Variants in CHODL observed in about 807,000 individuals in gnomAD.
CHODL encodes transmembrane protein MT75.
Under a neutral mutation model 34.5 loss-of-function variants are expected in CHODL, and 29 were observed. The ratio of observed to expected loss-of-function variants is 0.84; its 90% CI spans 0.63 to 1.15. CHODL has a LOEUF of 1.15. CHODL is among the 50% of genes most tolerant of loss of function. CHODL has a pLI of 0.00. For missense variants in CHODL, 332 were observed against 332.5 expected (o/e 1.00, Z 0.01); for synonymous variants, 125 against 116.1 (o/e 1.08, Z -0.49).
intron 2 of CHODL, among the ~76,000 whole-genome samples, chr21:18,055,921 T>C (rs961620908): frequency 6.6e-6 from 1 of 151,894 alleles, no homozygotes; most frequent in African/African-American, 2.4e-5. Context: ...CATGATGATA[T>C]CTCTCTCTTT....
At chr21:18,215,277 T>G (rs939407040) in intron 2 of CHODL, among the ~76,000 whole-genome samples, 1 of 152,048 alleles carries the variant, frequency 6.6e-6, no homozygotes, top group Non-Finnish European at 1.5e-5. Context: ...TCTTGTGCAG[T>G]CCAGGTAGGG....
chr21:18,045,467 G>C (rs2064430368), intron 2 of CHODL, among the ~76,000 whole-genome samples: 1 of 151,914 alleles, frequency 6.6e-6, no homozygotes, highest in Admixed American at 6.6e-5. Flanking sequence ...GTACAGATTG[G>C]AGTTCAGTTG....
At chr21:18,118,646 T>C (rs2065442240) in intron 2 of CHODL, among the ~76,000 whole-genome samples, 1 of 152,130 alleles carries the variant, frequency 6.6e-6, no homozygotes, top group Non-Finnish European at 1.5e-5. Flanking sequence ...GACAATTCTA[T>C]TCTAAATAAT....
At chr21:18,084,919 TAGTGTGTGTGTGTG>T (rs1358316853) in intron 2 of CHODL, among the ~76,000 whole-genome samples, 3 of 128,212 alleles carry the variant, frequency 2.3e-5, no homozygotes, top group Non-Finnish European at 4.6e-5. Context: ...GGTCTAGTAA[TAGTGTGTGTGTGTG>T]TGTGTGTGTG....
rs77331056 is a variant in CHODL at position 18,058,987 on chromosome 21, C to A, written c.-45+31016C>A. On this transcript the variant is annotated intron_variant, in intron 2 of 6. Coordinates refer to the CHODL transcript ENST00000400127. Reference sequence around the variant, plus strand: ...ACAATTTATGAAGTTACATCCCTGACCTGGTGTTATGGACTAAATTTTGTG... The same window carrying A: ...ACAATTTATGAAGTTACATCCCTGAACTGGTGTTATGGACTAAATTTTGTG... Among the ~76,000 whole-genome samples the A allele has an allele frequency of 9.1e-3, 1,381 of 152,240 alleles. 20 individuals are homozygous for A. Among genetic ancestry groups the A allele is most frequent in the South Asian group, 0.042 (201 of 4,826 alleles).
intron 2 of CHODL, among the ~76,000 whole-genome samples, chr21:18,096,897 G>T (rs1253655072): frequency 6.6e-6 from 1 of 152,074 alleles, no homozygotes; most frequent in Non-Finnish European, 1.5e-5. Context: ...ACCAATATGT[G>T]ATGGCACCCT....
intron 2 of CHODL, among the ~76,000 whole-genome samples, chr21:18,237,509 T>C (rs957829251): frequency 3.3e-5 from 5 of 152,254 alleles, no homozygotes; most frequent in Non-Finnish European, 7.4e-5. Flanking sequence ...GCCAAAGCCT[T>C]CTTTCATCTC....
chr21:17,953,417 C>CTGA (rs2063473921), intron 1 of CHODL, among the ~76,000 whole-genome samples: 1 of 151,818 alleles, frequency 6.6e-6, no homozygotes. Context: ...CAGTGAGCCA[C>CTGA]GATTGTGCCA....
intron 2 of CHODL, among the ~76,000 whole-genome samples, chr21:18,228,184 A>C (rs2073948185): frequency 6.6e-6 from 1 of 152,088 alleles, no homozygotes; most frequent in Non-Finnish European, 1.5e-5. Context: ...TAGCTTACTC[A>C]TTGCTGCCAA....
chr21:18,021,943 T>C (rs1335097193), intron 1 of CHODL, among the ~76,000 whole-genome samples: 1 of 152,206 alleles, frequency 6.6e-6, no homozygotes, highest in African/African-American at 2.4e-5. Context: ...CCTAACATGA[T>C]GTTACTTAGA....
At chr21:17,971,195 C>G (rs528028535) in intron 1 of CHODL, among the ~76,000 whole-genome samples, 2 of 152,102 alleles carry the variant, frequency 1.3e-5, no homozygotes, top group African/African-American at 4.8e-5. Context: ...AATAAACATA[C>G]GTGTGCATAT....
At chr21:17,938,477 TTTTTTTTTTTTTTTTTAAG>T (rs1435623237) in intron 1 of CHODL, among the ~76,000 whole-genome samples, 2 of 1,334 alleles carry the variant, frequency 1.5e-3, no homozygotes, top group African/African-American at 2.6e-3. Context: ...TTTTTTTTTT[TTTTTTTTTTTTTTTTTAAG>T]GAAAGGGAGT....
At chr21:18,049,236 C>T (rs1053116984) in intron 2 of CHODL, among the ~76,000 whole-genome samples, 1 of 151,818 alleles carries the variant, frequency 6.6e-6, no homozygotes, top group Non-Finnish European at 1.5e-5. Context: ...AGGATATTAG[C>T]CAAAATTGTG....
At chr21:18,038,043 A>AT (rs150132427) in intron 2 of CHODL, among the ~76,000 whole-genome samples, 4 of 151,546 alleles carry the variant, frequency 2.6e-5, no homozygotes, top group African/African-American at 7.3e-5. Context: ...CAGCTTTACA[A>AT]TTTTTTTTAA....
chr21:18,230,638 A>C (rs2073970076), intron 2 of CHODL, among the ~76,000 whole-genome samples: 1 of 151,468 alleles, frequency 6.6e-6, no homozygotes, highest in East Asian at 1.9e-4. Flanking sequence ...AACTTAACAG[A>C]AAATTTATGT....
chr21:18,180,491 TG>T (rs1203202245), intron 2 of CHODL, among the ~76,000 whole-genome samples: 1 of 152,114 alleles, frequency 6.6e-6, no homozygotes, highest in East Asian at 1.9e-4. Context: ...AGAAACTGCA[TG>T]TTTCCTGTTA....
At chr21:18,100,847 A>G (rs1057189876) in intron 2 of CHODL, among the ~76,000 whole-genome samples, 5 of 152,104 alleles carry the variant, frequency 3.3e-5, no homozygotes, top group African/African-American at 4.8e-5. Context: ...ACTTTTGTGA[A>G]TTCCATCTCA....
Position 18,215,270 on chromosome 21 carries a change from T to C in CHODL, c.-44-41239T>C, listed in dbSNP as rs568471622. ...CTCTTCTTTCATTCTATGATAATCT[T>C]GTGCAGTCCAGGTAGGGCTAGTCCT... On this transcript the variant is annotated intron_variant, in intron 2 of 6. Transcript: ENST00000400127. Among the ~76,000 whole-genome samples, 102 of 152,242 alleles carry C rather than the reference T, an allele frequency of 6.7e-4. 1 individual carries two copies. Among genetic ancestry groups the C allele is most frequent in the Middle Eastern group, 3.4e-3 (1 of 294 alleles).
rs559839734 is a variant in CHODL, at chr21:18,000,357, T to A, written c.-144-27515T>A. The stretch of plus-strand genomic sequence containing the variant: ...AATGTCACAGGCTTGTTCCTTGCCT[T>A]GCATAAAATATGTAACTATGATAAC... On this transcript the variant is annotated intron_variant, in intron 1 of 6. Transcript: ENST00000400127. Among the ~76,000 whole-genome samples, 48 of 152,314 alleles carry A rather than the reference T, an allele frequency of 3.2e-4. 1 individual carries two copies. In the South Asian group the frequency reaches 7.9e-3, roughly 25 times the overall value.
Sources: gnomAD v4.1 joint callset for allele counts (sites outside exome capture counted in the v4.1 genomes callset) on GRCh38, gnomAD v4.1.1 for gene constraint, MANE v1.5 for transcripts, NCBI Gene and HGNC (gene_info 2026-07-23, HGNC 2026-07-21) for gene names.